The following DCC variants were observed in gnomAD, a reference collection of about 807,000 sequenced individuals.
The protein encoded by DCC is DCC netrin 1 receptor, also known as netrin receptor DCC.
Under a neutral mutation model 172.5 loss-of-function variants are expected in DCC, and 58 were observed. The ratio of observed to expected loss-of-function variants is 0.34; its 90% CI spans 0.27 to 0.42. The LOEUF (loss-of-function observed/expected upper bound fraction) is 0.42. Among genes scored for constraint, DCC ranks in the 10% least tolerant of loss-of-function variants. DCC has a pLI of 1.00. For synonymous variants in DCC, 709 were observed against 644.5 expected, an observed-to-expected ratio of 1.10 and a Z score of -1.52; for missense variants, 1,740 against 1,791.0, an observed-to-expected ratio of 0.97 and a Z score of 0.51.
chr18:53,347,010 A>G (rs1383376436), intron 15 of DCC, among the ~76,000 whole-genome samples: 1 of 152,174 alleles, frequency 6.6e-6, no homozygotes, highest in East Asian at 1.9e-4. Flanking sequence ...TAAGTTTCCC[A>G]AGGCTTTGCT....
At chr18:52,597,326 T>C (rs1276965882) in intron 1 of DCC, among the ~76,000 whole-genome samples, 1 of 152,204 alleles carries the variant, frequency 6.6e-6, no homozygotes, top group Non-Finnish European at 1.5e-5. Context: ...GTGTTTACAC[T>C]TTTTCATGCT....
At chr18:52,914,319 A>G (rs1003796839) in intron 3 of DCC, among the ~76,000 whole-genome samples, 22 of 152,168 alleles carry the variant, frequency 1.4e-4, no homozygotes, top group African/African-American at 5.3e-4. Flanking sequence ...CGCCAGTGAT[A>G]AGAATAGATG....
chr18:53,089,322 A>G (rs955784641), intron 7 of DCC, among the ~76,000 whole-genome samples: 1 of 151,958 alleles, frequency 6.6e-6, no homozygotes, highest in African/African-American at 2.4e-5. Flanking sequence ...CTGACCTCAA[A>G]TGATCTTCCC....
At chr18:53,118,491 T>A (rs1185630265) in intron 7 of DCC, among the ~76,000 whole-genome samples, 1 of 151,806 alleles carries the variant, frequency 6.6e-6, no homozygotes, top group African/African-American at 2.4e-5. Flanking sequence ...CACTGACGAT[T>A]GCCCTTGTGC....
intron 9 of DCC, among the ~76,000 whole-genome samples, chr18:53,186,052 C>T (rs545995228): frequency 2.6e-5 from 4 of 152,218 alleles, no homozygotes; most frequent in South Asian, 2.1e-4. Context: ...AGTGGTATAT[C>T]GTAAGTGTAA....
At chr18:53,428,352 T>TA (rs1568125878) in intron 21 of DCC, among the ~76,000 whole-genome samples, 1 of 57,150 alleles carries the variant, frequency 1.7e-5, no homozygotes, top group Non-Finnish European at 3.4e-5. Context: ...TAATATAATA[T>TA]ATGTTGTATA....
chr18:53,409,510 C>T (rs1199975257), intron 19 of DCC, among the ~76,000 whole-genome samples: 7 of 152,036 alleles, frequency 4.6e-5, no homozygotes, highest in Admixed American at 4.6e-4. Flanking sequence ...TCAATGACAC[C>T]TATCATGAGC....
intron 1 of DCC, among the ~76,000 whole-genome samples, chr18:52,700,010 A>G (rs1568049598): frequency 6.6e-6 from 1 of 151,676 alleles, no homozygotes; most frequent in East Asian, 1.9e-4. Context: ...GAGTAGAGCA[A>G]TGTATTCTTC....
At chr18:53,069,385 A>T (rs1025946547) in intron 7 of DCC, among the ~76,000 whole-genome samples, 1 of 152,180 alleles carries the variant, frequency 6.6e-6, no homozygotes, top group African/African-American at 2.4e-5. Context: ...CAAGGGTGTC[A>T]GTTCCACTTG....
intron 5 of DCC, among the ~76,000 whole-genome samples, chr18:53,014,938 A>C (rs1036921331): frequency 2.6e-5 from 4 of 152,166 alleles, no homozygotes; most frequent in Non-Finnish European, 5.9e-5. Flanking sequence ...GTTCAAGAAA[A>C]TCCTTTATGT....
At position 53,159,944 on chromosome 18, in the gene DCC, C is replaced by T. The variant is rs1413696506; in HGVS notation, c.1418+2432C>T. On this transcript the variant is annotated intron_variant, in intron 8 of 28. Coordinates refer to ENST00000442544, the MANE Select transcript of DCC (RefSeq NM_005215.4). ...TCCACACAGGAAGAATGGAAGGGCT[C>T]AGAATAGTGTGAGCTCAGAGACAAT... is the stretch of plus-strand genomic sequence containing the variant. Among the ~76,000 whole-genome samples, 2 of 151,954 alleles carry T rather than the reference C, an allele frequency of 1.3e-5. 1 individual carries two copies. Among genetic ancestry groups the T allele is most frequent in the Admixed American group, 1.3e-4 (2 of 15,246 alleles).
chr18:52,393,822 C>T (rs959921436), intron 1 of DCC, among the ~76,000 whole-genome samples: 10 of 152,020 alleles, frequency 6.6e-5, no homozygotes, highest in Non-Finnish European at 1.5e-4. Flanking sequence ...AACCACAGGC[C>T]AATTACCTAG....
chr18:52,969,822 A>G (rs375285217), intron 5 of DCC, among the ~76,000 whole-genome samples: 1 of 152,120 alleles, frequency 6.6e-6, no homozygotes, highest in South Asian at 2.1e-4. Flanking sequence ...ATCTCTGAGG[A>G]TTAAAGAAGA....
rs183273375 is a variant in DCC at position 53,370,711 on chromosome 18, C to T, written c.2360-15332C>T. 2.5e-3 allele frequency among the ~76,000 whole-genome samples: 374 copies of T among 151,862 alleles called. 1 individual carries two copies. Among genetic ancestry groups the T allele is most frequent in the African/African-American group, 7.6e-3 (315 of 41,508 alleles). ...ATTGATTTATAACTTCATCCCATTA[C>T]GGCCAGAGAAGATACTTTATATGAT... is the stretch of plus-strand genomic sequence containing the variant. On this transcript the variant is annotated intron_variant, in intron 15 of 28. Coordinates refer to ENST00000442544, the MANE Select transcript of DCC (RefSeq NM_005215.4).
chr18:52,990,133 A>AT (rs774236719), intron 5 of DCC, among the ~76,000 whole-genome samples: 153 of 152,204 alleles, frequency 1.0e-3, no homozygotes, highest in Admixed American at 1.9e-3. Flanking sequence ...CAACCATAGT[A>AT]AGTTGGTGGT....
At position 53,533,324 on chromosome 18, in the gene DCC, T is replaced by G. The variant is rs996987838; in HGVS notation, c.*2671T>G. ...ATCCAGGACTCTTTATGCTCATAACTCTCTCTGATTCCCATTGGGTGATAC... is the reference window on the plus strand; with the variant it reads ...ATCCAGGACTCTTTATGCTCATAACGCTCTCTGATTCCCATTGGGTGATAC... On this transcript the variant is annotated 3_prime_UTR_variant, in exon 29 of 29. Transcript: ENST00000442544. The G allele has an allele frequency of 1.3e-5, 2 of 152,102 alleles. No homozygotes were observed. Among genetic ancestry groups the G allele is most frequent in the South Asian group, 4.1e-4 (2 of 4,828 alleles). 9.4% of individuals were successfully genotyped at this position (152,102 alleles called of 1,614,324 possible). A position where few individuals can be genotyped will look rare whatever the true frequency, so the allele number is the denominator to read the frequency against.
At chr18:52,926,843 A>C (rs2040210680) in intron 5 of DCC, among the ~76,000 whole-genome samples, 1 of 146,760 alleles carries the variant, frequency 6.8e-6, no homozygotes, top group African/African-American at 2.5e-5. Context: ...ATACACACAC[A>C]CACATATACG....
At chr18:53,175,640 A>G (rs1311305790) in intron 8 of DCC, among the ~76,000 whole-genome samples, 1 of 151,872 alleles carries the variant, frequency 6.6e-6, no homozygotes, top group Non-Finnish European at 1.5e-5. Context: ...GGACCTCTTC[A>G]AGGAGAACTA....
intron 1 of DCC, among the ~76,000 whole-genome samples, chr18:52,509,087 A>G (rs1440343282): frequency 1.3e-5 from 2 of 152,252 alleles, no homozygotes; most frequent in Non-Finnish European, 2.9e-5. Flanking sequence ...TTGAATATGT[A>G]AACCTATTTT....
Sources: gnomAD v4.1 joint callset for allele counts (sites outside exome capture counted in the v4.1 genomes callset) on GRCh38, gnomAD v4.1.1 for gene constraint, MANE v1.5 for transcripts, NCBI Gene and HGNC (gene_info 2026-07-23, HGNC 2026-07-21) for gene names.